CLASP1: variants seen among roughly 807,000 people sequenced by gnomAD.
CLASP1 encodes the protein CLIP-associating protein 1.
Under a neutral mutation model 192.3 loss-of-function variants are expected in CLASP1, and 38 were observed. The observed-to-expected ratio is 0.20, with a 90% CI of 0.15 to 0.26. The LOEUF is 0.26. Among genes scored for constraint, CLASP1 ranks in the 10% least tolerant of loss-of-function variants. CLASP1 has a pLI of 1.00. For missense variants in CLASP1, 1,433 were observed against 1,932.5 expected, an observed-to-expected ratio of 0.74 and a Z score of 4.85; for synonymous variants, 691 against 712.8, an observed-to-expected ratio of 0.97 and a Z score of 0.49.
chr2:121,426,786 T>C (rs1262702962), intron 21 of CLASP1, among the ~76,000 whole-genome samples: 4 of 152,160 alleles, frequency 2.6e-5, no homozygotes, highest in South Asian at 2.1e-4. Context: ...CATATATTAC[T>C]ATTTCTTGTG....
At chr2:121,577,957 G>A (rs897683624) in intron 2 of CLASP1, among the ~76,000 whole-genome samples, 2 of 152,076 alleles carry the variant, frequency 1.3e-5, no homozygotes, top group Admixed American at 6.6e-5. Flanking sequence ...GATTGAGAAA[G>A]AGTCTCACTC....
At chr2:121,487,345 C>G (rs543249740) in intron 8 of CLASP1, among the ~76,000 whole-genome samples, 1 of 152,030 alleles carries the variant, frequency 6.6e-6, no homozygotes, top group African/African-American at 2.4e-5. Flanking sequence ...TTTTTAATGA[C>G]CTGTTTTAAA....
chr2:121,545,212 C>G (rs1360762847), intron 2 of CLASP1, among the ~76,000 whole-genome samples: 1 of 152,092 alleles, frequency 6.6e-6, no homozygotes, highest in African/African-American at 2.4e-5. Context: ...CTGCACCCGG[C>G]CTGGGTACCT....
At chr2:121,613,246 C>A (rs2065901247) in intron 1 of CLASP1, among the ~76,000 whole-genome samples, 1 of 152,328 alleles carries the variant, frequency 6.6e-6, no homozygotes, top group East Asian at 1.9e-4. Context: ...TCTCTGCCCC[C>A]ACTACAGTAG....
intron 8 of CLASP1, among the ~76,000 whole-genome samples, chr2:121,476,061 C>T (rs867476028): frequency 6.6e-6 from 1 of 152,074 alleles, no homozygotes; most frequent in Admixed American, 6.6e-5. Context: ...CCCTGGCAAT[C>T]CAAATAAGTA....
chr2:121,496,781 T>C (rs1264868404), intron 8 of CLASP1, among the ~76,000 whole-genome samples: 3 of 151,896 alleles, frequency 2.0e-5, no homozygotes, highest in African/African-American at 7.3e-5. Context: ...AGCAGTGGGG[T>C]AGAGGGTGCC....
At chr2:121,412,444 CAT>C (rs1457418319) in intron 23 of CLASP1, among the ~76,000 whole-genome samples, 9 of 150,810 alleles carry the variant, frequency 6.0e-5, no homozygotes, top group South Asian at 2.1e-4. Flanking sequence ...ACTATGCACA[CAT>C]AGTTTTACAG....
At chr2:121,496,712 C>T (rs1314097995) in intron 8 of CLASP1, among the ~76,000 whole-genome samples, 1 of 152,048 alleles carries the variant, frequency 6.6e-6, no homozygotes, top group African/African-American at 2.4e-5. Flanking sequence ...AGTCCAATGC[C>T]GAGATAGGTA....
At chr2:121,613,528 C>T (rs1014764637) in intron 1 of CLASP1, among the ~76,000 whole-genome samples, 3 of 152,118 alleles carry the variant, frequency 2.0e-5, no homozygotes, top group Non-Finnish European at 4.4e-5. Flanking sequence ...GAATTTTGGC[C>T]TCTGGTCTTG....
chr2:121,378,879 A>C (rs2070915652), intron 33 of CLASP1, among the ~76,000 whole-genome samples: 1 of 152,066 alleles, frequency 6.6e-6, no homozygotes, highest in Admixed American at 6.6e-5. Flanking sequence ...AGGGCAACAC[A>C]ACCAATCCTG....
chr2:121,351,974 G>A (rs1558830687), intron 37 of CLASP1, among the ~76,000 whole-genome samples: 1 of 152,232 alleles, frequency 6.6e-6, no homozygotes, highest in Admixed American at 6.5e-5. Flanking sequence ...GTCAGAGACT[G>A]AGCTCAAAGC....
intron 20 of CLASP1, among the ~76,000 whole-genome samples, chr2:121,429,373 C>T (rs528652818): frequency 6.1e-4 from 93 of 152,300 alleles, no homozygotes; most frequent in Admixed American, 3.3e-3. Context: ...CACTCTGCTA[C>T]CCAGCTCTAC....
At chr2:121,409,790 G>C (rs2077434918) in intron 24 of CLASP1, among the ~76,000 whole-genome samples, 2 of 152,134 alleles carry the variant, frequency 1.3e-5, no homozygotes, top group African/African-American at 4.8e-5. Context: ...GACTCCTAAA[G>C]CCATGGTTAG....
chr2:121,509,523 C>T (rs1005639161), intron 7 of CLASP1, among the ~76,000 whole-genome samples: 4 of 152,094 alleles, frequency 2.6e-5, no homozygotes, highest in Admixed American at 2.0e-4. Context: ...AGTCCACATG[C>T]CAGGCCACAA....
intron 1 of CLASP1, among the ~76,000 whole-genome samples, chr2:121,622,563 G>T: frequency 7.4e-6 from 1 of 134,236 alleles, no homozygotes; most frequent in Non-Finnish European, 1.5e-5. Flanking sequence ...GTGAGACCCT[G>T]TCTCAAAAAA....
rs2087871937 is a variant in CLASP1, at chr2:121,461,257, T to C, written c.940-64A>G. Reference sequence around the variant, plus strand: ...GCAGAATAAACAGATTATTTCTTAATTACATGAAGTCAAGAACATTAAGTA... The same window carrying C: ...GCAGAATAAACAGATTATTTCTTAACTACATGAAGTCAAGAACATTAAGTA... On this transcript the variant is annotated intron_variant, in intron 10 of 39. Transcript: ENST00000263710. The C allele has an allele frequency of 1.6e-5, 14 of 866,490 alleles. No individual in the cohort carries two copies. In the South Asian group the frequency reaches 2.3e-4, roughly 14 times the overall value. 53.7% of individuals were successfully genotyped at this position (866,490 alleles called of 1,614,324 possible).
At chr2:121,631,323 C>G (rs1475349868) in intron 1 of CLASP1, among the ~76,000 whole-genome samples, 1 of 134,800 alleles carries the variant, frequency 7.4e-6, no homozygotes, top group Admixed American at 7.9e-5. Flanking sequence ...GAGTCTCGCT[C>G]TGTCACCATG....
At chr2:121,517,067 T>A (rs1375286034) in intron 6 of CLASP1, among the ~76,000 whole-genome samples, 1 of 152,172 alleles carries the variant, frequency 6.6e-6, no homozygotes, top group Non-Finnish European at 1.5e-5. Context: ...TACTTTCAAA[T>A]GGCTCAAGAA....
At chr2:121,352,670 T>C (rs1413041400) in intron 37 of CLASP1, among the ~76,000 whole-genome samples, 1 of 152,218 alleles carries the variant, frequency 6.6e-6, no homozygotes, top group East Asian at 1.9e-4. Context: ...TTTTTAATTT[T>C]TTGAGACAGA....
Sources: gnomAD v4.1 joint callset for allele counts (sites outside exome capture counted in the v4.1 genomes callset) on GRCh38, gnomAD v4.1.1 for gene constraint, MANE v1.5 for transcripts, NCBI Gene and HGNC (gene_info 2026-07-23, HGNC 2026-07-21) for gene names.